The following MAP7D2 variants were observed in gnomAD, a reference collection of about 807,000 sequenced individuals.
The protein encoded by MAP7D2 is MAP7 domain-containing protein 2.
Under a neutral mutation model 63.5 loss-of-function variants are expected in MAP7D2, and 33 were observed. The ratio of observed to expected loss-of-function variants is 0.52; its 90% CI spans 0.39 to 0.70. The LOEUF (loss-of-function observed/expected upper bound fraction) is 0.70. MAP7D2 is among the 30% of genes least tolerant of loss of function. MAP7D2 has a pLI of 0.00. For missense variants in MAP7D2, 626 were observed against 604.0 expected, an observed-to-expected ratio of 1.04 and a Z score of -0.38; for synonymous variants, 224 against 223.7, an observed-to-expected ratio of 1.00 and a Z score of -0.01.
rs779293374 is a variant in MAP7D2, at chrX:20,050,901, C to T, written c.641G>A (p.Arg214Gln). Reference sequence around the variant, plus strand: ...AGAAGACTGTGTGGGTGTCAACAGTCGCGAAACAAGAATGGCTTCCATTGG... The same window carrying T: ...AGAAGACTGTGTGGGTGTCAACAGTTGCGAAACAAGAATGGCTTCCATTGG... Reference protein sequence around the residue: ...LSPMEAILVSRLLTPTQSSLA... With the variant: ...LSPMEAILVSQLLTPTQSSLA... The change falls in exon 6 of 17, where the codon CGA becomes CAA. Residue 214 changes from arginine (R) to glutamine (Q), a missense_variant. Coordinates refer to ENST00000379643, the MANE Select transcript of MAP7D2 (RefSeq NM_001168465.2). The T allele has an allele frequency of 5.6e-5, 66 of 1,174,359 alleles. No homozygotes were observed. The highest frequency in any genetic ancestry group is 6.6e-5 in the Non-Finnish European group (58 of 876,525).
At chrX:20,042,011 C>T (rs762634939) in intron 8 of MAP7D2, among the ~76,000 whole-genome samples, 1 of 110,789 alleles carries the variant, frequency 9.0e-6, no homozygotes, top group South Asian at 3.9e-4. Context: ...CACTGTACTC[C>T]AGGCCTGGGC....
intron 3 of MAP7D2, 48 bp downstream of exon 3, chrX:20,063,366 G>A (rs372571019): frequency 8.5e-6 from 10 of 1,181,971 alleles, no homozygotes; most frequent in South Asian, 3.8e-5. Flanking sequence ...ACTCTGAGCA[G>A]CCTGCTGAGG....
Position 20,027,776 on chromosome X carries a change from G to C in MAP7D2, c.1008-1824C>G, listed in dbSNP as rs1194945451. On this transcript the variant is annotated intron_variant, in intron 8 of 16. Coordinates refer to ENST00000379643, the MANE Select transcript of MAP7D2 (RefSeq NM_001168465.2). ...GCGGGGGGAGAGAGAGAGAGAGAGAGAGAGAGAGAGAGAGACAGAGACAGA... is the reference window on the plus strand; with the variant it reads ...GCGGGGGGAGAGAGAGAGAGAGAGACAGAGAGAGAGAGAGACAGAGACAGA... Among the ~76,000 whole-genome samples the C allele has an allele frequency of 1.9e-5, 2 of 106,423 alleles. 1 individual carries two copies. The highest frequency in any genetic ancestry group is 3.9e-5 in the Non-Finnish European group (2 of 51,700). The allele number at this position is 106,423 out of a possible 115,157, so 92.4% of individuals were successfully genotyped here.
At position 20,052,948 on chromosome X, in the gene MAP7D2, C is replaced by A. The variant is rs1435769016; in HGVS notation, c.525G>T (p.Lys175Asn). Reference protein sequence around the residue: ...KLSTSTMSLPKPTEPPMNKRL... With the variant: ...KLSTSTMSLPNPTEPPMNKRL... ...GTTTATTCATGGGAGGCTCCGTTGG[C>A]TTTGGCAAACTCATAGTTGATGTTG... Residue 175 changes from lysine (K) to asparagine (N), a missense_variant, in exon 5 of 17, where the codon AAG becomes AAT. By Grantham distance (94) the Lys-to-Asn change is moderately conservative (BLOSUM62 0). Coordinates refer to ENST00000379643, the MANE Select transcript of MAP7D2 (RefSeq NM_001168465.2). 6 of 1,210,813 alleles carry A rather than the reference C, an allele frequency of 5.0e-6. No individual in the cohort carries two copies. Among genetic ancestry groups the A allele is most frequent in the Non-Finnish European group, 6.7e-6 (6 of 894,362 alleles).
rs201333980 is a variant in MAP7D2, at chrX:20,080,635, AC to A, written c.131-15831del. ...GCAGACAAAATGACCCTTGAAGAGC[AC>A]CCCCACATCCCCCAGCAAGTACAGA... On this transcript the variant is annotated intron_variant, in intron 1 of 16. Transcript: ENST00000379643. Among the ~76,000 whole-genome samples the A allele has an allele frequency of 8.8e-3, 970 of 110,661 alleles. 9 individuals are homozygous for A. The highest frequency in any genetic ancestry group is 0.013 in the Non-Finnish European group (676 of 52,894).
chrX:20,109,039 T>A (rs2066653460), intron 1 of MAP7D2, among the ~76,000 whole-genome samples: 1 of 109,201 alleles, frequency 9.2e-6, no homozygotes, highest in African/African-American at 3.3e-5. Context: ...AGAAATGAGA[T>A]CCCCATCGCC....
rs1237708054 is a variant in MAP7D2 at position 20,052,901 on chromosome X, G to A, written c.572C>T (p.Ala191Val). The change falls in exon 5 of 17, where the codon GCA becomes GTA. Residue 191 changes from alanine (A) to valine (V), a missense_variant. Physicochemically the swap from Ala to Val is moderately conservative, Grantham distance 64. Transcript: ENST00000379643. ...MNKRLSSSTV[A>V]ISYSPDRAHH... ...GCCTCGGTCTGGGGAATAGGATATT[G>A]CCACGGTGGATGAAGACAGGCGTTT... 8.3e-7 allele frequency: 1 copy of A among 1,208,540 alleles called. No homozygotes were observed.
chrX:20,055,642 T>C, intron 4 of MAP7D2: 1 of 498,581 alleles, frequency 2.0e-6, no homozygotes, highest in Non-Finnish European at 2.9e-6. Flanking sequence ...AAGAAACCAA[T>C]TGTAAAAGTG....
At chrX:20,055,683 G>T in intron 4 of MAP7D2, 1 of 715,374 alleles carries the variant, frequency 1.4e-6, no homozygotes, top group Non-Finnish European at 1.9e-6. Context: ...GGGGGAGGAT[G>T]ATCAGAACAG....
chrX:20,059,500 T>A lies in MAP7D2; in HGVS notation c.373-2709A>T, dbSNP rs181483508. Among the ~76,000 whole-genome samples, 59 of 110,691 alleles carry A rather than the reference T, an allele frequency of 5.3e-4. 2 individuals carry two copies. The highest frequency in any genetic ancestry group is 5.1e-3 in the Admixed American group (53 of 10,337). On this transcript the variant is annotated intron_variant, in intron 3 of 16. Coordinates refer to ENST00000379643, the MANE Select transcript of MAP7D2 (RefSeq NM_001168465.2). ...TGCCAAGTTCTGGTTCTCCTGAGTA[T>A]CATCTGATGATCAACAGAGGATGGG...
Position 20,044,366 on chromosome X carries a change from G to C in MAP7D2, c.877C>G (p.Leu293Val). ...TGGGTGGGTGGTTTTAAACCTACCA[G>C]AGAGGCCTCTCCTCCTGAAAGGGCT... ...KEALSGGEAS[L>V]VEKVKRGQRT... The change falls in exon 7 of 17, where the codon CTG becomes GTG. Residue 293 changes from leucine (L) to valine (V), a missense_variant and splice_region_variant. Transcript: ENST00000379643. 8.3e-7 allele frequency: 1 copy of C among 1,210,959 alleles called. No individual in the cohort carries two copies. Among genetic ancestry groups the C allele is most frequent in the South Asian group, 1.8e-5 (1 of 56,913 alleles).
intron 1 of MAP7D2, among the ~76,000 whole-genome samples, chrX:20,109,406 G>C (rs1603410670): frequency 4.6e-5 from 5 of 107,592 alleles, no homozygotes; most frequent in Admixed American, 2.0e-4. Flanking sequence ...TGTAGTCCCA[G>C]CTACTCGGGA....
intron 1 of MAP7D2, among the ~76,000 whole-genome samples, chrX:20,089,614 T>C (rs754261086): frequency 8.9e-6 from 1 of 112,146 alleles, no homozygotes; most frequent in African/African-American, 3.2e-5. Flanking sequence ...GAATATGAAA[T>C]GCATTATAAG....
At chrX:20,103,113 G>A (rs1010518039) in intron 1 of MAP7D2, among the ~76,000 whole-genome samples, 9 of 111,527 alleles carry the variant, frequency 8.1e-5, no homozygotes, top group South Asian at 3.8e-4. Flanking sequence ...TTCCTGCCAC[G>A]GGGTTCTCTG....
chrX:20,096,883 A>G (rs1465197726), intron 1 of MAP7D2, among the ~76,000 whole-genome samples: 1 of 112,575 alleles, frequency 8.9e-6, no homozygotes, highest in East Asian at 2.8e-4. Context: ...AAGACTTCAG[A>G]AAATGAATAC....
intron 8 of MAP7D2, among the ~76,000 whole-genome samples, chrX:20,026,839 G>C (rs1473740230): frequency 2.7e-5 from 3 of 111,791 alleles, no homozygotes; most frequent in African/African-American, 9.8e-5. Context: ...GTTTGAACAG[G>C]GATGTGGGCA....
intron 1 of MAP7D2, 28 bp downstream of exon 1, chrX:20,116,722 G>A: frequency 8.8e-7 from 1 of 1,142,835 alleles, no homozygotes; most frequent in Non-Finnish European, 1.2e-6. Flanking sequence ...GAAGCCCTCG[G>A]GCGCCCGCCA....
intron 7 of MAP7D2, 35 bp from the exon 8 acceptor site, chrX:20,042,664 T>C: frequency 8.3e-7 from 1 of 1,204,430 alleles, no homozygotes; most frequent in Non-Finnish European, 1.1e-6. Flanking sequence ...AGTCCATGAC[T>C]GGCACTACTT....
rs763833201 is a variant in MAP7D2, at chrX:20,078,203, T to C, written c.131-13398A>G. On this transcript the variant is annotated intron_variant, in intron 1 of 16. Coordinates refer to ENST00000379643, the MANE Select transcript of MAP7D2 (RefSeq NM_001168465.2). ...ACTGTACACGTATTTGTGGGCTAGATTGTCTTTTTCTAAAAATATGAGTTC... is the reference window on the plus strand; with the variant it reads ...ACTGTACACGTATTTGTGGGCTAGACTGTCTTTTTCTAAAAATATGAGTTC... Among the ~76,000 whole-genome samples the C allele has an allele frequency of 1.3e-4, 15 of 112,238 alleles. No individual in the cohort carries two copies. The East Asian group carries it at 1.4e-3, about 10-fold the overall frequency.
Sources: gnomAD v4.1 joint callset for allele counts (sites outside exome capture counted in the v4.1 genomes callset) on GRCh38, gnomAD v4.1.1 for gene constraint, MANE v1.5 for transcripts, NCBI Gene and HGNC (gene_info 2026-07-23, HGNC 2026-07-21) for gene names.